SLCO6A1: variants seen among roughly 807,000 people sequenced by gnomAD.
The protein encoded by SLCO6A1 is cancer/testis antigen 48.
A neutral mutation model predicts 72.7 loss-of-function variants in SLCO6A1; 65 were observed. The observed-to-expected ratio is 0.89, with a 90% confidence interval of 0.73 to 1.10. SLCO6A1 has a LOEUF of 1.10. Ranked by LOEUF, SLCO6A1 falls within the 50% of genes least tolerant of loss-of-function variation. The pLI, the probability that SLCO6A1 is intolerant of heterozygous loss-of-function variation, is 0.00. For synonymous variants in SLCO6A1, 314 were observed against 298.2 expected (o/e 1.05, Z -0.55); for missense variants, 874 against 872.6 (o/e 1.00, Z -0.02).
At chr5:102,401,183 A>C (rs1209402719) in intron 9 of SLCO6A1, among the ~76,000 whole-genome samples, 1 of 152,072 alleles carries the variant, frequency 6.6e-6, no homozygotes, top group Non-Finnish European at 1.5e-5. Context: ...GAATGTTTCA[A>C]GTAAAAAAAA....
chr5:102,476,105 C>T (rs150424241), intron 3 of SLCO6A1, among the ~76,000 whole-genome samples: 6 of 152,064 alleles, frequency 3.9e-5, no homozygotes, highest in African/African-American at 7.2e-5. Flanking sequence ...TTGGGTATAG[C>T]GTACACTGCT....
chr5:102,393,066 T>A (rs1276514581), intron 10 of SLCO6A1, among the ~76,000 whole-genome samples: 3 of 152,124 alleles, frequency 2.0e-5, no homozygotes, highest in Non-Finnish European at 4.4e-5. Context: ...ATTAAAAAAT[T>A]TTTTTCATAT....
chr5:102,382,311 T>A (rs555331809), intron 12 of SLCO6A1, among the ~76,000 whole-genome samples: 2 of 151,976 alleles, frequency 1.3e-5, no homozygotes, highest in East Asian at 3.9e-4. Flanking sequence ...ATAGTTTATT[T>A]CTTTGTTCTC....
At chr5:102,484,390 C>T (rs1255192527) in intron 1 of SLCO6A1, among the ~76,000 whole-genome samples, 1 of 152,118 alleles carries the variant, frequency 6.6e-6, no homozygotes, top group African/African-American at 2.4e-5. Context: ...TGGCTCACAC[C>T]TGTAATCCCA....
intron 4 of SLCO6A1, among the ~76,000 whole-genome samples, chr5:102,466,491 G>A (rs1383321965): frequency 6.6e-6 from 1 of 151,938 alleles, no homozygotes; most frequent in Admixed American, 6.6e-5. Flanking sequence ...GATCATATGT[G>A]TGCATGTGTC....
chr5:102,421,122 A>G (rs768677618), intron 7 of SLCO6A1, among the ~76,000 whole-genome samples: 6 of 152,160 alleles, frequency 3.9e-5, no homozygotes, highest in Non-Finnish European at 5.9e-5. Flanking sequence ...TTGGCAATCC[A>G]CAGATAAGGA....
rs577413198 is a variant in SLCO6A1 at position 102,391,198 on chromosome 5, A to G, written c.1815-153T>C. ...GACAGAGTTTAAGCTGGCCTGTTAA[A>G]GGACTACAACTCCCCATTTCTCCAT... On this transcript the variant is annotated intron_variant, in intron 10 of 13. Transcript: ENST00000506729. The G allele has an allele frequency of 2.8e-4, 186 of 672,614 alleles. 1 individual carries two copies. In the African/African-American group the frequency reaches 3.2e-3, roughly 12 times the overall value. 41.7% of individuals were successfully genotyped at this position (672,614 alleles called of 1,614,324 possible).
intron 6 of SLCO6A1, among the ~76,000 whole-genome samples, 175 bp from the exon 7 acceptor site, chr5:102,438,936 CA>C (rs1749696890): frequency 6.6e-6 from 1 of 151,888 alleles, no homozygotes; most frequent in Admixed American, 6.6e-5. Context: ...CAGATCCAAA[CA>C]GCAATCTATG....
intron 12 of SLCO6A1, among the ~76,000 whole-genome samples, chr5:102,387,579 C>T (rs1182395652): frequency 1.3e-5 from 2 of 152,062 alleles, no homozygotes; most frequent in South Asian, 4.1e-4. Flanking sequence ...TTTTATTTTA[C>T]TCAGTTTCCA....
At chr5:102,458,555 C>G (rs941912284) in intron 5 of SLCO6A1, 64 bp from the exon 6 acceptor site, 5 of 1,038,800 alleles carry the variant, frequency 4.8e-6, no homozygotes, top group Admixed American at 4.4e-5. Context: ...TACATAAAAC[C>G]TACATACACA....
chr5:102,471,706 C>T (rs1238855701), intron 4 of SLCO6A1, among the ~76,000 whole-genome samples: 1 of 151,976 alleles, frequency 6.6e-6, no homozygotes, highest in Non-Finnish European at 1.5e-5. Context: ...AGTTCTGGAA[C>T]CCTATTGCTA....
chr5:102,397,527 T>A (rs1300157598), intron 10 of SLCO6A1, among the ~76,000 whole-genome samples: 1 of 152,184 alleles, frequency 6.6e-6, no homozygotes, highest in East Asian at 1.9e-4. Flanking sequence ...AAGGTGTATT[T>A]CCTGGCTTTT....
intron 4 of SLCO6A1, among the ~76,000 whole-genome samples, chr5:102,468,839 C>T (rs527759556): frequency 7.9e-5 from 12 of 151,888 alleles, no homozygotes; most frequent in South Asian, 2.1e-4. Context: ...TTTTTGTATA[C>T]GGTGTAAGGA....
rs541869876 is a variant in SLCO6A1, at chr5:102,468,012, G to C, written c.899+7685C>G. ...TAGCATTGCTTTTGCTGTATCCTAG[G>C]GGTTTTGATAGGTTTGTGTCACTAT... On this transcript the variant is annotated intron_variant, in intron 4 of 13. Transcript: ENST00000506729. 5.5e-4 allele frequency among the ~76,000 whole-genome samples: 84 copies of C among 152,042 alleles called. 1 individual carries two copies. Among genetic ancestry groups the C allele is most frequent in the African/African-American group, 1.8e-3 (75 of 41,498 alleles).
intron 12 of SLCO6A1, among the ~76,000 whole-genome samples, chr5:102,376,334 AC>A (rs1276989941): frequency 6.6e-6 from 1 of 152,190 alleles, no homozygotes; most frequent in African/African-American, 2.4e-5. Context: ...CAGAAAGGGC[AC>A]ATATTTAGAT....
rs867436407 is a variant in SLCO6A1, at chr5:102,496,139, A to G, written c.358+2348T>C. Among the ~76,000 whole-genome samples, 11 of 152,284 alleles carry G rather than the reference A, an allele frequency of 7.2e-5. No homozygotes were observed. In the South Asian group the frequency reaches 1.7e-3, roughly 23 times the overall value. ...TGTAAGAGAGTGTCTCACTTTGGGAAGTTGCACACTGGAGTAGTTAGCAGT... is the reference window on the plus strand; with the variant it reads ...TGTAAGAGAGTGTCTCACTTTGGGAGGTTGCACACTGGAGTAGTTAGCAGT... On this transcript the variant is annotated intron_variant, in intron 1 of 13. Transcript: ENST00000506729.
At chr5:102,429,034 C>G (rs1422860147) in intron 7 of SLCO6A1, among the ~76,000 whole-genome samples, 1 of 152,110 alleles carries the variant, frequency 6.6e-6, no homozygotes, top group African/African-American at 2.4e-5. Context: ...ATTTGCATTT[C>G]TCTAATGATA....
At chr5:102,381,570 C>T (rs989881000) in intron 12 of SLCO6A1, among the ~76,000 whole-genome samples, 2 of 151,650 alleles carry the variant, frequency 1.3e-5, no homozygotes, top group African/African-American at 4.8e-5. Flanking sequence ...ATATTGATTT[C>T]ATTACCTTTG....
At chr5:102,438,500 C>A in intron 7 of SLCO6A1, 117 bp downstream of exon 7, 1 of 796,680 alleles carries the variant, frequency 1.3e-6, no homozygotes, top group South Asian at 2.6e-5. Flanking sequence ...GTAAAATCTG[C>A]ACAAATCATA....
Sources: gnomAD v4.1 joint callset for allele counts (sites outside exome capture counted in the v4.1 genomes callset) on GRCh38, gnomAD v4.1.1 for gene constraint, MANE v1.5 for transcripts, NCBI Gene and HGNC (gene_info 2026-07-23, HGNC 2026-07-21) for gene names.